TRAPPC8: variants seen among roughly 807,000 people sequenced by gnomAD.
TRAPPC8 encodes the protein general sporulation gene 1 homolog.
Under a neutral mutation model 174.3 loss-of-function variants are expected in TRAPPC8, and 54 were observed. That is an observed-to-expected ratio of 0.31 (90% CI 0.25 to 0.39). The LOEUF (loss-of-function observed/expected upper bound fraction) is 0.39. TRAPPC8 is among the 10% of genes least tolerant of loss of function. The pLI is 1.00. For synonymous variants in TRAPPC8, 630 were observed against 579.9 expected, an observed-to-expected ratio of 1.09 and a Z score of -1.24; for missense variants, 1,531 against 1,699.1, an observed-to-expected ratio of 0.90 and a Z score of 1.74.
At chr18:31,863,925 T>G (rs1215976327) in intron 19 of TRAPPC8, among the ~76,000 whole-genome samples, 1 of 151,516 alleles carries the variant, frequency 6.6e-6, no homozygotes, top group Non-Finnish European at 1.5e-5. Context: ...GCTCTTAAAT[T>G]CCCTGGAGCT....
At chr18:31,848,772 C>G (rs1382666482) in intron 25 of TRAPPC8, among the ~76,000 whole-genome samples, 1 of 152,062 alleles carries the variant, frequency 6.6e-6, no homozygotes, top group Non-Finnish European at 1.5e-5. Context: ...GGACAAGATC[C>G]TTAATTTTAC....
intron 1 of TRAPPC8, among the ~76,000 whole-genome samples, chr18:31,931,915 G>A (rs1215870420): frequency 1.3e-5 from 2 of 152,164 alleles, no homozygotes; most frequent in African/African-American, 4.8e-5. Flanking sequence ...AAAAGAAAGG[G>A]GAGTTAAAAT....
intron 28 of TRAPPC8, 138 bp downstream of exon 28, chr18:31,831,946 T>TA: frequency 1.9e-6 from 1 of 515,246 alleles, no homozygotes; most frequent in East Asian, 4.0e-5. Flanking sequence ...AACACATCTG[T>TA]AAGCCTTCTA....
chr18:31,934,007 G>A (rs2037970367), intron 1 of TRAPPC8, among the ~76,000 whole-genome samples: 1 of 151,984 alleles, frequency 6.6e-6, no homozygotes, highest in African/African-American at 2.4e-5. Context: ...GGCCAACAAG[G>A]TGAAACCCCC....
intron 18 of TRAPPC8, among the ~76,000 whole-genome samples, chr18:31,866,013 C>G (rs191193913): frequency 6.5e-4 from 98 of 151,910 alleles, no homozygotes; most frequent in African/African-American, 2.2e-3. Flanking sequence ...ATACCCAGGG[C>G]AAGTATATTT....
intron 2 of TRAPPC8, among the ~76,000 whole-genome samples, chr18:31,920,424 T>A (rs898795554): frequency 6.6e-6 from 1 of 152,150 alleles, no homozygotes; most frequent in African/African-American, 2.4e-5. Context: ...GACCCATATA[T>A]CCTACATAGT....
rs866220907 is a variant in TRAPPC8 at position 31,887,634 on chromosome 18, G to A, written c.1728+3101C>T. ...GCACTCCAGCCTGGGCAACAGGAGC[G>A]AAACTCCATCTCAAAAAAAAAAAAA... On this transcript the variant is annotated intron_variant, in intron 12 of 28. Coordinates refer to ENST00000283351, the MANE Select transcript of TRAPPC8 (RefSeq NM_014939.5). Among the ~76,000 whole-genome samples, 69 of 128,806 alleles carry A rather than the reference G, an allele frequency of 5.4e-4. No homozygotes were observed. The South Asian group carries it at 0.015, about 28-fold the overall frequency. The allele number at this position is 128,806 out of a possible 152,430, so 84.5% of individuals were successfully genotyped here. A position where few individuals can be genotyped will look rare whatever the true frequency, so the allele number is the denominator to read the frequency against.
At position 31,926,076 on chromosome 18, in the gene TRAPPC8, A is replaced by C. The variant is rs80272716; in HGVS notation, c.352+5253T>G. Among the ~76,000 whole-genome samples, 1,507 of 152,292 alleles carry C rather than the reference A, an allele frequency of 9.9e-3. 31 individuals carry two copies. Among genetic ancestry groups the C allele is most frequent in the African/African-American group, 0.034 (1,408 of 41,558 alleles). The stretch of plus-strand genomic sequence containing the variant: ...GCTGTGGAGTGGGCCTCGGACAGCA[A>C]CCAGTCCGACATAAAATTGAACACC... On this transcript the variant is annotated intron_variant, in intron 2 of 28. Transcript: ENST00000283351.
intron 9 of TRAPPC8, among the ~76,000 whole-genome samples, chr18:31,903,158 T>C (rs997834546): frequency 6.6e-6 from 1 of 151,706 alleles, no homozygotes; most frequent in South Asian, 2.1e-4. Context: ...CCTGTGACAC[T>C]GGAAGTGGCA....
rs116338984 is a variant in TRAPPC8, at chr18:31,891,058, A to C, written c.1597-192T>G. Reference sequence around the variant, plus strand: ...AAACACAAAATTCTTTTAAGCTTTGAAAACATCTTCTACCATGAAATACTT... The same window carrying C: ...AAACACAAAATTCTTTTAAGCTTTGCAAACATCTTCTACCATGAAATACTT... On this transcript the variant is annotated intron_variant, in intron 11 of 28. Transcript: ENST00000283351. 1,286 of 356,480 alleles carry C rather than the reference A, an allele frequency of 3.6e-3. 19 individuals are homozygous for C. Among genetic ancestry groups the C allele is most frequent in the African/African-American group, 0.026 (1,201 of 46,888 alleles). 22.1% of individuals were successfully genotyped at this position (356,480 alleles called of 1,614,324 possible).
At position 31,935,740 on chromosome 18, in the gene TRAPPC8, CT is replaced by C. The variant is rs916401903; in HGVS notation, c.158-4218del. Among the ~76,000 whole-genome samples, 893 of 139,232 alleles carry C rather than the reference CT, an allele frequency of 6.4e-3. 2 individuals carry two copies. The highest frequency in any genetic ancestry group is 0.017 in the African/African-American group (660 of 38,218). The allele number at this position is 139,232 out of a possible 152,430, so 91.3% of individuals were successfully genotyped here. On this transcript the variant is annotated intron_variant, in intron 1 of 28. Coordinates refer to ENST00000283351, the MANE Select transcript of TRAPPC8 (RefSeq NM_014939.5). Reference sequence around the variant, plus strand: ...CAACAGAGGGAGAGAGACCCCATTTCTTTTTTTTTTTTTGAGACAGAGTCTC... The same window carrying C: ...CAACAGAGGGAGAGAGACCCCATTTCTTTTTTTTTTTTGAGACAGAGTCTC...
intron 12 of TRAPPC8, among the ~76,000 whole-genome samples, chr18:31,882,223 A>T (rs2035488942): frequency 6.6e-6 from 1 of 152,210 alleles, no homozygotes; most frequent in Non-Finnish European, 1.5e-5. Context: ...TCAATGGTGG[A>T]CTGTATAAAG....
intron 12 of TRAPPC8, among the ~76,000 whole-genome samples, chr18:31,885,240 G>C (rs1209020715): frequency 6.6e-6 from 1 of 152,170 alleles, no homozygotes; most frequent in East Asian, 1.9e-4. Flanking sequence ...CATGAAATGA[G>C]AACACAGGAT....
intron 2 of TRAPPC8, among the ~76,000 whole-genome samples, chr18:31,920,892 GATCACGC>G (rs985828952): frequency 2.3e-4 from 32 of 140,228 alleles, no homozygotes; most frequent in African/African-American, 8.3e-4. Context: ...AGTGAGCCGA[GATCACGC>G]CACTGCACTC....
At chr18:31,921,014 G>A (rs1057166514) in intron 2 of TRAPPC8, among the ~76,000 whole-genome samples, 1 of 150,574 alleles carries the variant, frequency 6.6e-6, no homozygotes, top group East Asian at 2.0e-4. Context: ...GCATTCTCTT[G>A]AGGTGTAGTT....
intron 5 of TRAPPC8, among the ~76,000 whole-genome samples, chr18:31,913,106 C>T (rs150404351): frequency 0.069 from 10,359 of 151,048 alleles, 400 homozygotes; most frequent in Non-Finnish European, 0.084. Context: ...CCAGCCTGGG[C>T]GACAGAGCAA....
intron 24 of TRAPPC8, among the ~76,000 whole-genome samples, chr18:31,850,509 A>G (rs1275170414): frequency 1.3e-5 from 2 of 152,230 alleles, no homozygotes; most frequent in African/African-American, 2.4e-5. Flanking sequence ...AAAGCATGAG[A>G]TAAGAATTTT....
chr18:31,852,615 A>G lies in TRAPPC8; in HGVS notation c.3482T>C (p.Ile1161Thr). The G allele has an allele frequency of 6.2e-7, 1 of 1,614,050 alleles. No individual in the cohort carries two copies. The highest frequency in any genetic ancestry group is 8.5e-7 in the Non-Finnish European group (1 of 1,180,000). The change falls in exon 23 of 29, where the codon ATA (isoleucine) becomes ACA (threonine). Residue 1161 changes from isoleucine to threonine, a missense_variant. By Grantham distance (89) the Ile-to-Thr change is moderately conservative (BLOSUM62 -1). Transcript: ENST00000283351. The stretch of plus-strand genomic sequence containing the variant: ...TTTACCTTCTTCTTTCTCACATCTT[A>G]TTGCCTTAAAGCAAAACTTTCCCTT... ...REKGKFCFKA[I>T]RCEKEEAATQ... is the part of the protein sequence containing the mutation.
At chr18:31,921,863 C>A (rs943230912) in intron 2 of TRAPPC8, among the ~76,000 whole-genome samples, 5 of 152,066 alleles carry the variant, frequency 3.3e-5, no homozygotes, top group African/African-American at 1.2e-4. Flanking sequence ...AGGGGAAATT[C>A]AATATGTTTA....
Sources: allele counts gnomAD v4.1 joint callset (sites outside exome capture counted in the v4.1 genomes callset), GRCh38; gene constraint gnomAD v4.1.1; transcripts MANE v1.5; gene names NCBI Gene and HGNC (gene_info 2026-07-23, HGNC 2026-07-21).